PTPRD: variants seen among roughly 807,000 people sequenced by gnomAD.
PTPRD encodes the protein receptor-type tyrosine-protein phosphatase delta.
In PTPRD, 34 loss-of-function variants were observed where a neutral mutation model predicts 214.5. The observed-to-expected ratio is 0.16, with a 90% CI of 0.12 to 0.21. The LOEUF (loss-of-function observed/expected upper bound fraction) is 0.21. Ranked by LOEUF, PTPRD falls within the 10% of genes least tolerant of loss-of-function variation. The pLI is 1.00. For missense variants in PTPRD, 2,545 were observed against 2,398.7 expected (o/e 1.06, Z -1.27); for synonymous variants, 1,128 against 845.7 (o/e 1.33, Z -5.79).
At chr9:10,469,575 A>G (rs1221013437) in intron 2 of PTPRD, among the ~76,000 whole-genome samples, 6 of 152,140 alleles carry the variant, frequency 3.9e-5, no homozygotes, top group African/African-American at 1.4e-4. Flanking sequence ...GTAAATTAGT[A>G]TAGCCATTAT....
intron 27 of PTPRD, among the ~76,000 whole-genome samples, chr9:8,487,711 G>A (rs746117362): frequency 6.6e-6 from 1 of 152,194 alleles, no homozygotes; most frequent in Non-Finnish European, 1.5e-5. Context: ...TCGGGAGGCT[G>A]AGGCAGGAGC....
chr9:9,151,444 G>A (rs554281490), intron 10 of PTPRD, among the ~76,000 whole-genome samples: 1 of 152,270 alleles, frequency 6.6e-6, no homozygotes, highest in South Asian at 2.1e-4. Context: ...CAGGCTGCAG[G>A]CAGGCGTCTG....
chr9:9,741,206 A>C (rs1021251495), intron 6 of PTPRD, among the ~76,000 whole-genome samples: 2 of 152,220 alleles, frequency 1.3e-5, no homozygotes, highest in African/African-American at 4.8e-5. Context: ...CTGTACATGT[A>C]AATCTGTGGC....
intron 2 of PTPRD, among the ~76,000 whole-genome samples, chr9:10,487,944 T>A (rs1210108839): frequency 1.4e-5 from 2 of 143,882 alleles, no homozygotes; most frequent in African/African-American, 5.4e-5. Context: ...TCTCTTCCCT[T>A]AATTTCTCCC....
intron 3 of PTPRD, among the ~76,000 whole-genome samples, chr9:10,174,708 C>A (rs1178169341): frequency 1.3e-5 from 2 of 151,596 alleles, no homozygotes; most frequent in Non-Finnish European, 2.9e-5. Flanking sequence ...CATATATATA[C>A]ATATATATGT....
intron 3 of PTPRD, among the ~76,000 whole-genome samples, chr9:10,136,127 A>C (rs1252674478): frequency 6.6e-6 from 1 of 151,868 alleles, no homozygotes; most frequent in Non-Finnish European, 1.5e-5. Context: ...AAACAGTCAA[A>C]AAGGACAGAG....
At chr9:9,386,618 A>AT (rs1177168467) in intron 9 of PTPRD, among the ~76,000 whole-genome samples, 4 of 152,316 alleles carry the variant, frequency 2.6e-5, no homozygotes, top group Admixed American at 6.5e-5. Context: ...AGCAAAATGC[A>AT]TTTTAAATAG....
At chr9:9,089,905 T>A (rs1014385430) in intron 10 of PTPRD, among the ~76,000 whole-genome samples, 2 of 152,148 alleles carry the variant, frequency 1.3e-5, no homozygotes, top group African/African-American at 4.8e-5. Flanking sequence ...AAGAGACAAG[T>A]TTATTTTGAA....
intron 3 of PTPRD, among the ~76,000 whole-genome samples, chr9:10,246,207 T>C (rs2092065130): frequency 6.6e-6 from 1 of 152,168 alleles, no homozygotes; most frequent in Non-Finnish European, 1.5e-5. Context: ...TCTGTATTCA[T>C]AAAGTGAAAC....
intron 5 of PTPRD, among the ~76,000 whole-genome samples, chr9:9,828,090 G>A (rs2053578309): frequency 6.6e-6 from 1 of 152,160 alleles, no homozygotes; most frequent in South Asian, 2.1e-4. Context: ...GTGGAAGTCA[G>A]TGTGGCGATT....
intron 11 of PTPRD, among the ~76,000 whole-genome samples, chr9:8,977,087 C>T (rs927341063): frequency 6.6e-6 from 1 of 152,110 alleles, no homozygotes; most frequent in Admixed American, 6.6e-5. Flanking sequence ...AACCATCCAT[C>T]AATGATCAGT....
intron 3 of PTPRD, among the ~76,000 whole-genome samples, chr9:10,120,869 C>A (rs1591668589): frequency 6.6e-6 from 1 of 151,952 alleles, no homozygotes; most frequent in African/African-American, 2.4e-5. Flanking sequence ...CTTGATGCCC[C>A]CTTCCATAGT....
intron 11 of PTPRD, among the ~76,000 whole-genome samples, chr9:8,909,716 G>A (rs1403317762): frequency 1.3e-5 from 2 of 151,792 alleles, no homozygotes; most frequent in African/African-American, 2.4e-5. Flanking sequence ...AGATTATTCT[G>A]GAACCATGTA....
intron 34 of PTPRD, among the ~76,000 whole-genome samples, chr9:8,437,469 T>A (rs537153780): frequency 6.6e-6 from 1 of 152,176 alleles, no homozygotes; most frequent in African/African-American, 2.4e-5. Flanking sequence ...ACACAAAGAA[T>A]GACATGCACC....
intron 10 of PTPRD, among the ~76,000 whole-genome samples, chr9:9,129,510 A>T (rs2099839321): frequency 6.6e-6 from 1 of 152,206 alleles, no homozygotes; most frequent in Admixed American, 6.5e-5. Context: ...TTCCTAATAG[A>T]ACCATAGGAA....
rs532829681 is a variant in PTPRD at position 9,144,225 on chromosome 9, G to A, written c.-143+39079C>T. ...CTGCTCTGTGACAAAACCCTGAGTT[G>A]ATATGTGATCAGACATTTACAAGGC... On this transcript the variant is annotated intron_variant, in intron 10 of 45. Transcript: ENST00000381196. Among the ~76,000 whole-genome samples the A allele has an allele frequency of 9.8e-5, 15 of 152,286 alleles. No individual in the cohort carries two copies. In the East Asian group the frequency reaches 2.7e-3, roughly 27 times the overall value.
rs1590229189 is a variant in PTPRD, at chr9:9,037,233, C to T, written c.-142-18498G>A. ...ATTTTAGAGATAATTTAGTCCAAATCCTCCATTTTATGGTAGGGAAACTGA... is the reference window on the plus strand; with the variant it reads ...ATTTTAGAGATAATTTAGTCCAAATTCTCCATTTTATGGTAGGGAAACTGA... On this transcript the variant is annotated intron_variant, in intron 10 of 45. Coordinates refer to ENST00000381196, the MANE Select transcript of PTPRD (RefSeq NM_002839.4). Among the ~76,000 whole-genome samples, 5 of 152,156 alleles carry T rather than the reference C, an allele frequency of 3.3e-5. No individual in the cohort carries two copies. In the South Asian group the frequency reaches 1.0e-3, roughly 32 times the overall value.
intron 14 of PTPRD, among the ~76,000 whole-genome samples, chr9:8,618,683 T>A (rs574070060): frequency 5.1e-4 from 78 of 152,010 alleles, no homozygotes; most frequent in African/African-American, 1.7e-3. Context: ...TTAAGAAATA[T>A]CTTTATTAAT....
intron 8 of PTPRD, among the ~76,000 whole-genome samples, chr9:9,450,118 G>GTA (rs1226476293): frequency 3.1e-5 from 1 of 32,120 alleles, no homozygotes; most frequent in Non-Finnish European, 7.6e-5. Flanking sequence ...GTGTGTGTGT[G>GTA]TCTGTGTGTG....
Sources: gnomAD v4.1 joint callset for allele counts (sites outside exome capture counted in the v4.1 genomes callset) on GRCh38, gnomAD v4.1.1 for gene constraint, MANE v1.5 for transcripts, NCBI Gene and HGNC (gene_info 2026-07-23, HGNC 2026-07-21) for gene names.